The following NTRK3 variants were observed in gnomAD, a reference collection of about 807,000 sequenced individuals.
The protein encoded by NTRK3 is NT-3 growth factor receptor.
Under a neutral mutation model 91.7 loss-of-function variants are expected in NTRK3, and 24 were observed. That is an observed-to-expected ratio of 0.26 (90% CI 0.19 to 0.37). The LOEUF is 0.37. Among genes scored for constraint, NTRK3 ranks in the 10% least tolerant of loss-of-function variants. The pLI is 1.00. For synonymous variants in NTRK3, 483 were observed against 404.0 expected (o/e 1.20, Z -2.34); for missense variants, 880 against 1,068.9 (o/e 0.82, Z 2.46).
intron 5 of NTRK3, among the ~76,000 whole-genome samples, chr15:88,158,861 C>T (rs146268105): frequency 6.6e-6 from 1 of 152,076 alleles, no homozygotes; most frequent in Non-Finnish European, 1.5e-5. Flanking sequence ...CCCAAGACAT[C>T]ACACTCATTT....
chr15:88,057,249 T>G (rs979410208), intron 13 of NTRK3, among the ~76,000 whole-genome samples: 8 of 147,970 alleles, frequency 5.4e-5, no homozygotes, highest in Admixed American at 4.7e-4. Context: ...GTAATCCTGG[T>G]GCTTTGGGAG....
At chr15:87,944,736 G>C (rs1347354595) in intron 14 of NTRK3, among the ~76,000 whole-genome samples, 1 of 152,188 alleles carries the variant, frequency 6.6e-6, no homozygotes, top group Non-Finnish European at 1.5e-5. Flanking sequence ...CCAAGGGCGA[G>C]GGCAGGAGCC....
intron 13 of NTRK3, among the ~76,000 whole-genome samples, chr15:88,110,978 A>G (rs1312683555): frequency 6.6e-6 from 1 of 152,166 alleles, no homozygotes; most frequent in East Asian, 1.9e-4. Flanking sequence ...TTCAGGAGAT[A>G]TTTAGGTCAC....
intron 14 of NTRK3, among the ~76,000 whole-genome samples, chr15:88,024,259 A>C (rs2077835480): frequency 6.6e-6 from 1 of 152,204 alleles, no homozygotes; most frequent in South Asian, 2.1e-4. Flanking sequence ...TTATCTGTGC[A>C]GATGTTCTTT....
At chr15:87,917,859 A>G in intron 17 of NTRK3, among the ~76,000 whole-genome samples, 1 of 152,168 alleles carries the variant, frequency 6.6e-6, no homozygotes, top group Non-Finnish European at 1.5e-5. Flanking sequence ...TGCTGGCACC[A>G]TGCTTCTTGC....
chr15:88,111,338 G>A (rs2051333284), intron 13 of NTRK3, among the ~76,000 whole-genome samples: 2 of 152,222 alleles, frequency 1.3e-5, no homozygotes, highest in African/African-American at 2.4e-5. Flanking sequence ...CTTGGAGAGA[G>A]AGAAAGACAG....
At chr15:87,913,700 G>T (rs1343996028) in intron 17 of NTRK3, among the ~76,000 whole-genome samples, 3 of 152,214 alleles carry the variant, frequency 2.0e-5, no homozygotes, top group Non-Finnish European at 4.4e-5. Flanking sequence ...TCAGTGACAT[G>T]GGAAGCATTA....
chr15:88,175,504 G>A (rs957581553), intron 5 of NTRK3, among the ~76,000 whole-genome samples: 2 of 152,058 alleles, frequency 1.3e-5, no homozygotes, highest in Non-Finnish European at 2.9e-5. Flanking sequence ...GAATACTGAC[G>A]ATCAATTTTA....
intron 13 of NTRK3, among the ~76,000 whole-genome samples, chr15:88,075,419 C>G (rs1260435911): frequency 6.6e-6 from 1 of 152,174 alleles, no homozygotes; most frequent in East Asian, 1.9e-4. Context: ...AAATGTCAAG[C>G]ACTGTCACCC....
At position 88,255,340 on chromosome 15, in the gene NTRK3, A is replaced by G. The variant is rs2142074260; in HGVS notation, c.248+566T>C. ...GTCCATGACGGCCTCCACACGTCCAAAGTCTCCCCGCGAGCAGCCAGCTCG... is the reference window on the plus strand; with the variant it reads ...GTCCATGACGGCCTCCACACGTCCAGAGTCTCCCCGCGAGCAGCCAGCTCG... On this transcript the variant is annotated intron_variant, in intron 3 of 18. Transcript: ENST00000394480. The surrounding 1 kb of genome is among the most constrained non-coding windows in gnomAD (Gnocchi z 4.3). 6.6e-6 allele frequency among the ~76,000 whole-genome samples: 1 copy of G among 152,202 alleles called. No individual in the cohort carries two copies. The highest frequency in any genetic ancestry group is 2.4e-5 in the African/African-American group (1 of 41,540).
intron 13 of NTRK3, among the ~76,000 whole-genome samples, chr15:88,122,803 A>C (rs549731458): frequency 6.6e-6 from 1 of 152,074 alleles, no homozygotes; most frequent in Non-Finnish European, 1.5e-5. Flanking sequence ...CTCCCAATTA[A>C]CTCTAACTAG....
At chr15:87,910,865 G>A (rs959220701) in intron 17 of NTRK3, among the ~76,000 whole-genome samples, 11 of 152,164 alleles carry the variant, frequency 7.2e-5, no homozygotes, top group African/African-American at 2.7e-4. Context: ...AGTTCAGGAA[G>A]GGTTAGACTT....
At chr15:88,188,307 A>G (rs1293343349) in intron 3 of NTRK3, among the ~76,000 whole-genome samples, 1 of 152,166 alleles carries the variant, frequency 6.6e-6, no homozygotes, top group African/African-American at 2.4e-5. Flanking sequence ...CTCATAATAC[A>G]TTGGTTCTCA....
intron 3 of NTRK3, among the ~76,000 whole-genome samples, chr15:88,223,522 G>A (rs1047611508): frequency 5.3e-5 from 8 of 152,246 alleles, no homozygotes; most frequent in African/African-American, 1.9e-4. Flanking sequence ...CAGGGCCTGG[G>A]TATGCCCAGG....
At chr15:87,865,222 T>A (rs546901076) in exon 19 of NTRK3, 28 of 206,572 alleles carry the variant, frequency 1.4e-4, no homozygotes, top group African/African-American at 6.4e-4. Flanking sequence ...TCAGATACAC[T>A]GCAAGTGATT....
At chr15:87,891,003 C>A (rs1448545584) in intron 17 of NTRK3, among the ~76,000 whole-genome samples, 1 of 152,224 alleles carries the variant, frequency 6.6e-6, no homozygotes, top group East Asian at 1.9e-4. Context: ...ATTTACAGAG[C>A]TTTTACTTCT....
intron 13 of NTRK3, among the ~76,000 whole-genome samples, chr15:88,050,726 T>G (rs1365712714): frequency 1.3e-5 from 2 of 152,230 alleles, no homozygotes; most frequent in Non-Finnish European, 2.9e-5. Flanking sequence ...GCTCATTTAA[T>G]CTTTGCAAAC....
rs576434226 is a variant in NTRK3, at chr15:87,934,984, G to A, written c.1717-1800C>T. Among the ~76,000 whole-genome samples, 8 of 152,202 alleles carry A rather than the reference G, an allele frequency of 5.3e-5. No homozygotes were observed. In the South Asian group the frequency reaches 1.2e-3, roughly 24 times the overall value. Reference sequence around the variant, plus strand: ...TTAATCTACGGCTGACAAAAAAGTCGAAAGTTATCTAGTGTAACTTTCCCA... The same window carrying A: ...TTAATCTACGGCTGACAAAAAAGTCAAAAGTTATCTAGTGTAACTTTCCCA... On this transcript the variant is annotated intron_variant, in intron 15 of 18. Transcript: ENST00000394480.
chr15:87,944,467 T>C (rs2070224466), intron 14 of NTRK3, among the ~76,000 whole-genome samples: 1 of 152,248 alleles, frequency 6.6e-6, no homozygotes, highest in Admixed American at 6.5e-5. Context: ...TAAGTGTTAT[T>C]ACACCCCTTT....
Sources: allele counts gnomAD v4.1 joint callset (sites outside exome capture counted in the v4.1 genomes callset), GRCh38; gene constraint gnomAD v4.1.1; non-coding constraint Gnocchi (gnomAD v3.1); transcripts MANE v1.5; gene names NCBI Gene and HGNC (gene_info 2026-07-23, HGNC 2026-07-21).